Variants in ZNF596 observed in about 807,000 individuals in gnomAD.
The protein encoded by ZNF596 is zinc finger protein 596.
A neutral mutation model predicts 48.3 loss-of-function variants in ZNF596; 45 were observed. The observed-to-expected ratio is 0.93, with a 90% CI of 0.73 to 1.19. The LOEUF (loss-of-function observed/expected upper bound fraction) is 1.19, where lower values mean the gene tolerates loss of function less well. Ranked by LOEUF, ZNF596 falls within the 50% of genes most tolerant of loss-of-function variation. The probability of loss-of-function intolerance (pLI) is 0.00; values close to 1 mark genes in which losing one functional copy is unlikely to be tolerated. For missense variants in ZNF596, 848 were observed against 599.7 expected (o/e 1.41, Z -4.32); for synonymous variants, 270 against 202.0 (o/e 1.34, Z -2.85).
chr8:235,861 A>G lies in ZNF596; in HGVS notation c.-73+3167A>G, dbSNP rs532409886. Among the ~76,000 whole-genome samples, 556 of 152,312 alleles carry G rather than the reference A, an allele frequency of 3.7e-3. 4 individuals are homozygous for G. Among genetic ancestry groups the G allele is most frequent in the African/African-American group, 0.013 (539 of 41,574 alleles). On this transcript the variant is annotated intron_variant, in intron 1 of 5. Coordinates refer to ENST00000398612, the MANE Select transcript of ZNF596 (RefSeq NM_001042416.3). ...TTATATGACTTATTTTAAATTTCCA[A>G]ATAACATAGGTTACATGAAATTTGA...
intron 4 of ZNF596, chr8:244,176 C>A (rs558900643): frequency 4.7e-6 from 1 of 210,574 alleles, no homozygotes; most frequent in Non-Finnish European, 9.3e-6. Context: ...AGTCATGAAC[C>A]ACCACGCCCA....
upstream of ZNF596, chr8:232,192 C>T (rs1796423200): frequency 6.5e-6 from 1 of 154,010 alleles, no homozygotes; most frequent in African/African-American, 2.4e-5. Context: ...CCAACAGAAC[C>T]CGACGCAGAC....
intron 1 of ZNF596, chr8:233,659 C>A (rs1264599105): frequency 2.0e-5 from 3 of 152,582 alleles, no homozygotes; most frequent in Non-Finnish European, 4.4e-5. Flanking sequence ...CAACAGATTA[C>A]ATGTGTTCAT....
Position 241,894 on chromosome 8 carries a change from T to G in ZNF596, c.12+987T>G, listed in dbSNP as rs1796867622. On this transcript the variant is annotated intron_variant, in intron 2 of 5. Transcript: ENST00000398612. The stretch of plus-strand genomic sequence containing the variant: ...GTGGAAGGGGAAGCAAGCACCTTCT[T>G]CATAAGGCAGCAGGAGAGAGACCAA... Among the ~76,000 whole-genome samples the G allele has an allele frequency of 2.0e-5, 3 of 152,120 alleles. No homozygotes were observed. In the South Asian group the frequency reaches 6.2e-4, roughly 32 times the overall value.
chr8:238,854 T>C (rs1490290831), intron 1 of ZNF596, among the ~76,000 whole-genome samples: 1 of 151,766 alleles, frequency 6.6e-6, no homozygotes, highest in Non-Finnish European at 1.5e-5. Context: ...CTGATAAGAA[T>C]TACAGGTAAT....
rs1796911774 is a variant in ZNF596 at position 242,908 on chromosome 8, A to G, written c.34A>G (p.Ile12Val). ...PSPDSMTFEDIIVDFTQEEWA... is the reference protein window; with the variant it reads ...PSPDSMTFEDVIVDFTQEEWA... The stretch of plus-strand genomic sequence containing the variant: ...TTAGGATTCCATGACCTTCGAGGAT[A>G]TCATTGTAGACTTCACTCAAGAAGA... Residue 12 changes from isoleucine (I) to valine (V), a missense_variant, in exon 3 of 6, where the codon ATC becomes GTC. Coordinates refer to ENST00000398612, the MANE Select transcript of ZNF596 (RefSeq NM_001042416.3). The G allele has an allele frequency of 1.3e-6, 2 of 1,578,640 alleles. No homozygotes were observed. The highest frequency in any genetic ancestry group is 1.1e-5 in the South Asian group (1 of 87,948).
upstream of ZNF596, chr8:232,232 A>C (rs1584894671): frequency 6.2e-6 from 1 of 160,236 alleles, no homozygotes. Flanking sequence ...AGACACTGGC[A>C]GGGCCAGAAA....
Position 245,257 on chromosome 8 carries a change from A to T in ZNF596, c.410A>T (p.Lys137Ile), listed in dbSNP as rs752536817. The change falls in exon 6 of 6, where the codon AAA becomes ATA. Residue 137 changes from lysine to isoleucine, a missense_variant. Lys to Ile is a moderately radical substitution (Grantham distance 102). Transcript: ENST00000398612. ...AATGTGATTACCTACATGAGAACGA[A>T]ACACTTTGTAAGCAAAAAGTTTGGG... Reference protein sequence around the residue: ...TQNVITYMRTKHFVSKKFGKI... With the variant: ...TQNVITYMRTIHFVSKKFGKI... 33 of 1,613,986 alleles carry T rather than the reference A, an allele frequency of 2.0e-5. No homozygotes were observed. The highest frequency in any genetic ancestry group is 2.5e-5 in the Non-Finnish European group (30 of 1,180,016).
rs749305299 is a variant in ZNF596, at chr8:245,566, A to C, written c.719A>C (p.Lys240Thr). The C allele has an allele frequency of 6.2e-7, 1 of 1,613,680 alleles. No homozygotes were observed. Among genetic ancestry groups the C allele is most frequent in the African/African-American group, 1.3e-5 (1 of 74,800 alleles). The change falls in exon 6 of 6, where the codon AAA becomes ACA. Residue 240 changes from lysine (K) to threonine (T), a missense_variant. By Grantham distance (78) the Lys-to-Thr change is moderately conservative. Transcript: ENST00000398612. ...TTTACTCATTGCTCTGATCTTCGAA[A>C]ACATGAGAGAACTCACACTGGAGAG... ...KAFTHCSDLR[K>T]HERTHTGEKP... is the part of the protein sequence containing the mutation.
At chr8:232,430 C>T (rs1456970073), upstream of ZNF596, 1 of 241,794 alleles carries the variant, frequency 4.1e-6, no homozygotes, top group African/African-American at 2.4e-5. Context: ...GTGCCCTCCG[C>T]TTTTTGTGGC....
At chr8:241,862 A>G (rs1299015756) in intron 2 of ZNF596, among the ~76,000 whole-genome samples, 1 of 152,188 alleles carries the variant, frequency 6.6e-6, no homozygotes, top group African/African-American at 2.4e-5. Context: ...AGAAACTTAC[A>G]ATCATGGTGG....
intron 3 of ZNF596, 179 bp from the exon 4 acceptor site, chr8:243,543 C>A: frequency 2.0e-6 from 1 of 491,472 alleles, no homozygotes; most frequent in Non-Finnish European, 3.6e-6. Flanking sequence ...TGTCTGGGAA[C>A]AAGTTCAAGA....
chr8:244,401 A>G (rs979405234), intron 4 of ZNF596: 43 of 547,852 alleles, frequency 7.8e-5, no homozygotes, highest in Non-Finnish European at 1.3e-4. Context: ...CTTCTTTGAA[A>G]ATTTTTCTTT....
Position 245,887 on chromosome 8 carries a change from G to C in ZNF596, c.1040G>C (p.Cys347Ser). 1 of 1,613,590 alleles carries C rather than the reference G, an allele frequency of 6.2e-7. No homozygotes were observed. Among genetic ancestry groups the C allele is most frequent in the Non-Finnish European group, 8.5e-7 (1 of 1,179,888 alleles). Residue 347 changes from cysteine to serine, a missense_variant, in exon 6 of 6, where the codon TGT (cysteine) becomes TCT (serine). Transcript: ENST00000398612. ...CHLCGKAFSHCSHLRQHERSH... is the reference protein window; with the variant it reads ...CHLCGKAFSHSSHLRQHERSH... ...CTATGTGGAAAAGCCTTCTCTCATT[G>C]TTCTCACCTTAGACAACATGAGCGA... is the stretch of plus-strand genomic sequence containing the variant.
rs1797024242 is a variant in ZNF596, at chr8:245,380, A to G, written c.533A>G (p.Gln178Arg). ...CATCTATTTGATTATGCCTTTATCCAAAACTCTGCCCTTAGACCACACAGT... is the reference window on the plus strand; with the variant it reads ...CATCTATTTGATTATGCCTTTATCCGAAACTCTGCCCTTAGACCACACAGT... Reference protein sequence around the residue: ...GSHLFDYAFIQNSALRPHSVT... With the variant: ...GSHLFDYAFIRNSALRPHSVT... Residue 178 changes from glutamine (Q) to arginine (R), a missense_variant, in exon 6 of 6, where the codon CAA (glutamine) becomes CGA (arginine). Gln to Arg is a conservative substitution (Grantham distance 43, BLOSUM62 1). Coordinates refer to ENST00000398612, the MANE Select transcript of ZNF596 (RefSeq NM_001042416.3). 6.2e-7 allele frequency: 1 copy of G among 1,614,078 alleles called. No homozygotes were observed. The highest frequency in any genetic ancestry group is 1.3e-5 in the African/African-American group (1 of 74,954).
intron 1 of ZNF596, 116 bp from the exon 2 acceptor site, chr8:240,708 C>G: frequency 1.5e-6 from 1 of 657,288 alleles, no homozygotes; most frequent in Non-Finnish European, 2.7e-6. Flanking sequence ...CCCAACCCAC[C>G]CCCTACCCAC....
At position 246,116 on chromosome 8, in the gene ZNF596, A is replaced by G. The variant is rs745433308; in HGVS notation, c.1269A>G (p.Leu423=). 8 of 1,613,560 alleles carry G rather than the reference A, an allele frequency of 5.0e-6. No individual in the cohort carries two copies. In the East Asian group the frequency reaches 1.3e-4, roughly 27 times the overall value. The change falls in exon 6 of 6, where the codon CTA becomes CTG. Residue 423 remains leucine, a synonymous_variant. Coordinates refer to ENST00000398612, the MANE Select transcript of ZNF596 (RefSeq NM_001042416.3). ...HTGEKPYECH[L]CGKAFNHSSV... is the part of the protein sequence containing the mutation. ...GAGAAAAACCATATGAATGCCATCT[A>G]TGCGGAAAAGCCTTCAATCACTCTT...
intron 1 of ZNF596, among the ~76,000 whole-genome samples, chr8:236,783 G>T (rs1796634537): frequency 6.6e-6 from 1 of 152,110 alleles, no homozygotes; most frequent in Admixed American, 6.5e-5. Context: ...TACCAGTGAT[G>T]GCCAGGTGGC....
chr8:240,781 G>C, intron 1 of ZNF596, 43 bp from the exon 2 acceptor site: 1 of 1,317,462 alleles, frequency 7.6e-7, no homozygotes, highest in Admixed American at 1.7e-5. Context: ...AAGCAAAACT[G>C]GAGTGTCATG....
Sources: gnomAD v4.1 joint callset for allele counts (sites outside exome capture counted in the v4.1 genomes callset) on GRCh38, gnomAD v4.1.1 for gene constraint, MANE v1.5 for transcripts, NCBI Gene and HGNC (gene_info 2026-07-23, HGNC 2026-07-21) for gene names.